The following CSMD3 variants were observed in gnomAD, a reference collection of about 807,000 sequenced individuals.
CSMD3 encodes the protein CUB and Sushi multiple domains 3, also known as CUB and sushi domain-containing protein 3.
A neutral mutation model predicts 435.2 loss-of-function variants in CSMD3; 177 were observed. The observed-to-expected ratio is 0.41, with a 90% CI of 0.36 to 0.46. The LOEUF is 0.46. Among genes scored for constraint, CSMD3 ranks in the 20% least tolerant of loss-of-function variants. CSMD3 has a pLI of 0.34. For synonymous variants in CSMD3, 1,656 were observed against 1,520.5 expected (o/e 1.09, Z -2.07); for missense variants, 4,265 against 4,504.6 (o/e 0.95, Z 1.52).
intron 51 of CSMD3, among the ~76,000 whole-genome samples, chr8:112,305,487 T>A (rs1374648955): frequency 1.3e-5 from 2 of 152,102 alleles, no homozygotes; most frequent in African/African-American, 4.8e-5. Context: ...TACCAAATCT[T>A]TACCAGAATT....
chr8:113,142,923 TAAAAC>T (rs1310495550), intron 4 of CSMD3, among the ~76,000 whole-genome samples: 11 of 148,464 alleles, frequency 7.4e-5, no homozygotes, highest in African/African-American at 9.9e-5. Context: ...AAAGTAAAAA[TAAAAC>T]AAAAGACAAA....
At position 112,301,856 on chromosome 8, in the gene CSMD3, C is replaced by G. The variant is rs747138368; in HGVS notation, c.8377G>C (p.Gly2793Arg). The change falls in exon 53 of 71, where the codon GGC becomes CGC. Residue 2793 changes from glycine to arginine, a missense_variant. Transcript: ENST00000297405. ...FTCDLGFMLV[G>R]SAVRECLSSG... The stretch of plus-strand genomic sequence containing the variant: ...GAAAGGCATTCCCTTACAGCAGAGC[C>G]CACAAGCATGAATCCCAAGTCGCAG... The G allele has an allele frequency of 6.2e-7, 1 of 1,613,816 alleles. No individual in the cohort carries two copies. The highest frequency in any genetic ancestry group is 8.5e-7 in the Non-Finnish European group (1 of 1,179,834).
chr8:112,244,513 G>A lies in CSMD3; in HGVS notation c.10283C>T (p.Pro3428Leu). ...ATAAATCAGTGTATACCCATGAGAT[G>A]GAAGGTCCATCCCTACGACATTTGC... is the stretch of plus-strand genomic sequence containing the variant. ...AHANVVGMDL[P>L]SHGYTLIYTC... Residue 3428 changes from proline (P) to leucine (L), a missense_variant, in exon 65 of 71, where the codon CCA (proline) becomes CTA (leucine). Pro to Leu is a moderately conservative substitution (Grantham distance 98). Around this residue, in one of 3 missense-constraint regions of CSMD3, gnomAD observed 3,255 missense variants for 3,380.2 expected, o/e 0.96. Coordinates refer to ENST00000297405, the MANE Select transcript of CSMD3 (RefSeq NM_198123.2). 6.2e-7 allele frequency: 1 copy of A among 1,613,812 alleles called. No homozygotes were observed.
chr8:112,996,234 A>G (rs1377481454), intron 6 of CSMD3, among the ~76,000 whole-genome samples: 1 of 151,544 alleles, frequency 6.6e-6, no homozygotes, highest in Non-Finnish European at 1.5e-5. Context: ...GAAGTTCTGT[A>G]CATTTTGACC....
intron 13 of CSMD3, among the ~76,000 whole-genome samples, chr8:112,767,048 G>A (rs2077997536): frequency 6.6e-6 from 1 of 151,842 alleles, no homozygotes; most frequent in African/African-American, 2.4e-5. Context: ...AAATGGTAGA[G>A]TAATCACTGA....
intron 13 of CSMD3, among the ~76,000 whole-genome samples, chr8:112,713,409 G>A (rs545455078): frequency 1.4e-4 from 21 of 150,078 alleles, no homozygotes; most frequent in East Asian, 3.9e-4. Context: ...CAAAACCTCC[G>A]AGAAATATGG....
Position 113,138,885 on chromosome 8 carries a change from AT to A in CSMD3, c.709+34836del, listed in dbSNP as rs200264750. ...TATATCTGAATATATGTATATATAT[AT>A]GTCACATAATACTAAAGGAAATTTA... On this transcript the variant is annotated intron_variant, in intron 4 of 70. Transcript: ENST00000297405. Among the ~76,000 whole-genome samples the A allele has an allele frequency of 7.7e-3, 1,157 of 151,086 alleles. 19 individuals are homozygous for A. Among genetic ancestry groups the A allele is most frequent in the African/African-American group, 0.026 (1,086 of 41,328 alleles).
At chr8:112,782,534 G>C (rs1262172582) in intron 13 of CSMD3, among the ~76,000 whole-genome samples, 1 of 151,984 alleles carries the variant, frequency 6.6e-6, no homozygotes, top group East Asian at 1.9e-4. Context: ...TATTCAAAGG[G>C]ATAAAAACAA....
At chr8:112,609,201 C>CAAAAAAAAAAAAAA (rs71566035) in intron 22 of CSMD3, among the ~76,000 whole-genome samples, 124 of 43,040 alleles carry the variant, frequency 2.9e-3, no homozygotes, top group African/African-American at 4.8e-3. Context: ...GATACTGCCT[C>CAAAAAAAAAAAAAA]AAAAAAAAAA....
chr8:112,694,189 G>A (rs1334576465), intron 13 of CSMD3, among the ~76,000 whole-genome samples: 1 of 151,860 alleles, frequency 6.6e-6, no homozygotes, highest in Non-Finnish European at 1.5e-5. Context: ...TATTTAGAGA[G>A]TAGCAGAGTG....
intron 1 of CSMD3, among the ~76,000 whole-genome samples, chr8:113,390,160 T>C (rs144996257): frequency 1.2e-3 from 177 of 151,938 alleles, no homozygotes; most frequent in Admixed American, 2.4e-3. Flanking sequence ...TTTCCACTTA[T>C]AGTGAACTTT....
intron 4 of CSMD3, among the ~76,000 whole-genome samples, chr8:113,110,318 T>G (rs1405996503): frequency 1.3e-5 from 2 of 152,296 alleles, no homozygotes; most frequent in South Asian, 4.1e-4. Flanking sequence ...TTTTCCTATT[T>G]TATTATAAGC....
intron 13 of CSMD3, among the ~76,000 whole-genome samples, chr8:112,695,293 A>G (rs1189742014): frequency 1.3e-5 from 2 of 152,196 alleles, no homozygotes; most frequent in East Asian, 1.9e-4. Context: ...ATCTTCACAA[A>G]AACTATGCAG....
At chr8:113,169,578 T>G (rs1341602174) in intron 4 of CSMD3, among the ~76,000 whole-genome samples, 1 of 152,188 alleles carries the variant, frequency 6.6e-6, no homozygotes, top group Non-Finnish European at 1.5e-5. Context: ...CATTTCTAAT[T>G]TAGCCATATG....
At position 112,800,065 on chromosome 8, in the gene CSMD3, C is replaced by A; in HGVS notation, c.1972+97G>T. 3 of 818,232 alleles carry A rather than the reference C, an allele frequency of 3.7e-6. No homozygotes were observed. In the South Asian group the frequency reaches 4.2e-5, roughly 11 times the overall value. The allele number at this position is 818,232 out of a possible 1,614,324, so 50.7% of individuals were successfully genotyped here. A position where few individuals can be genotyped will look rare whatever the true frequency, so the allele number is the denominator to read the frequency against. On this transcript the variant is annotated intron_variant, in intron 13 of 70. Coordinates refer to ENST00000297405, the MANE Select transcript of CSMD3 (RefSeq NM_198123.2). The stretch of plus-strand genomic sequence containing the variant: ...TTGTTGAAATGTAGCATGTGTTCTG[C>A]AAAACTTTTAATTTTGTAGATGCAA...
At chr8:112,609,200 T>A (rs1187162197) in intron 22 of CSMD3, among the ~76,000 whole-genome samples, 2 of 5,446 alleles carry the variant, frequency 3.7e-4, no homozygotes, top group Non-Finnish European at 6.8e-4. Context: ...AGATACTGCC[T>A]CAAAAAAAAA....
At chr8:112,362,367 C>T (rs1827327005) in intron 38 of CSMD3, among the ~76,000 whole-genome samples, 1 of 151,876 alleles carries the variant, frequency 6.6e-6, no homozygotes, top group Non-Finnish European at 1.5e-5. Flanking sequence ...TACCTTGATC[C>T]TTAATACTTT....
At chr8:112,825,625 C>T (rs556850702) in intron 12 of CSMD3, among the ~76,000 whole-genome samples, 4 of 152,224 alleles carry the variant, frequency 2.6e-5, no homozygotes, top group African/African-American at 9.6e-5. Flanking sequence ...AGGTTCACTT[C>T]AGGCCCTATT....
intron 6 of CSMD3, among the ~76,000 whole-genome samples, chr8:113,006,368 A>G (rs2086056050): frequency 6.6e-6 from 1 of 152,008 alleles, no homozygotes. Context: ...TGGTGGAAAT[A>G]TTTCGTTTCA....
Sources: gnomAD v4.1 joint callset for allele counts (sites outside exome capture counted in the v4.1 genomes callset) on GRCh38, gnomAD v4.1.1 for gene constraint, gnomAD v4.1.1 regional missense constraint, MANE v1.5 for transcripts, NCBI Gene and HGNC (gene_info 2026-07-23, HGNC 2026-07-21) for gene names.